KIRREL3: variants seen among roughly 807,000 people sequenced by gnomAD.
KIRREL3 encodes the protein kin of IRRE-like protein 3.
Under a neutral mutation model 89.7 loss-of-function variants are expected in KIRREL3, and 36 were observed. The observed-to-expected ratio is 0.40, with a 90% CI of 0.31 to 0.53. KIRREL3 has a LOEUF of 0.53. Among genes scored for constraint, KIRREL3 ranks in the 20% least tolerant of loss-of-function variants. KIRREL3 has a pLI of 0.49. For missense variants in KIRREL3, 864 were observed against 1,056.6 expected (o/e 0.82, Z 2.53); for synonymous variants, 445 against 441.4 (o/e 1.01, Z -0.10).
At chr11:126,975,904 CT>C (rs1565470869) in intron 1 of KIRREL3, among the ~76,000 whole-genome samples, 5 of 93,994 alleles carry the variant, frequency 5.3e-5, no homozygotes, top group East Asian at 5.5e-4. Context: ...CCCTCCCTCC[CT>C]TCCTCCCTCC....
rs1362324279 is a variant in KIRREL3, at chr11:126,686,327, C to T, written c.56-123415G>A. 6.6e-6 allele frequency among the ~76,000 whole-genome samples: 1 copy of T among 152,188 alleles called. No individual in the cohort carries two copies. Among genetic ancestry groups the T allele is most frequent in the Admixed American group, 6.5e-5 (1 of 15,280 alleles). On this transcript the variant is annotated intron_variant, in intron 1 of 16. Coordinates refer to ENST00000525144, the MANE Select transcript of KIRREL3 (RefSeq NM_032531.4). The surrounding 1 kb of genome is among the most constrained non-coding windows in gnomAD (Gnocchi z 4.7). Reference sequence around the variant, plus strand: ...TAGCATTCTTTTGTTAGTCCACTCACATATTTTCACTCATTACTAAACATT... The same window carrying T: ...TAGCATTCTTTTGTTAGTCCACTCATATATTTTCACTCATTACTAAACATT...
At chr11:126,543,427 C>T (rs76653728) in intron 2 of KIRREL3, among the ~76,000 whole-genome samples, 2,707 of 152,244 alleles carry the variant, frequency 0.018, 59 homozygotes, top group African/African-American at 0.051. Flanking sequence ...TCCCATTTTA[C>T]GGACAAGGAA....
At chr11:126,511,939 C>A (rs1489052532) in intron 4 of KIRREL3, among the ~76,000 whole-genome samples, 2 of 152,178 alleles carry the variant, frequency 1.3e-5, no homozygotes, top group African/African-American at 4.8e-5. Flanking sequence ...CCCTGGGCTT[C>A]CCCCAGGGCG....
intron 1 of KIRREL3, among the ~76,000 whole-genome samples, chr11:126,821,355 A>ATATAT (rs1440926983): frequency 7.8e-5 from 11 of 140,434 alleles, no homozygotes; most frequent in East Asian, 2.1e-4. Flanking sequence ...ATATATATGT[A>ATATAT]ACTTCCAACC....
rs1946052 is a variant in KIRREL3 at position 126,778,245 on chromosome 11, C to G, written c.56-215333G>C. Among the ~76,000 whole-genome samples, 89,914 of 152,000 alleles carry G rather than the reference C, an allele frequency of 0.59. 26,737 individuals are homozygous for G. Among genetic ancestry groups the G allele is most frequent in the East Asian group, 0.82 (4,232 of 5,184 alleles). The stretch of plus-strand genomic sequence containing the variant: ...ATTAAAATGGGATCATATTATACAC[C>G]TTGTTCTGTATCTTGCTTCTTCACT... On this transcript the variant is annotated intron_variant, in intron 1 of 16. Coordinates refer to ENST00000525144, the MANE Select transcript of KIRREL3 (RefSeq NM_032531.4). The surrounding 1 kb of genome is among the most constrained non-coding windows in gnomAD (Gnocchi z 4.5).
chr11:126,854,745 C>T (rs750996033), intron 1 of KIRREL3, among the ~76,000 whole-genome samples: 7 of 152,090 alleles, frequency 4.6e-5, no homozygotes, highest in East Asian at 1.9e-4. Context: ...ACCTGGAAGT[C>T]GAATTTCTGG....
chr11:126,972,339 C>T (rs1949449112), intron 1 of KIRREL3, among the ~76,000 whole-genome samples: 1 of 152,116 alleles, frequency 6.6e-6, no homozygotes, highest in Admixed American at 6.5e-5. Context: ...CTCTATGAGT[C>T]TTTGTGGAAA....
Position 126,526,498 on chromosome 11 carries a change from A to C in KIRREL3, c.283+40T>G. ...AGGTGGATGGGTGAGTAAGGAAGTG[A>C]TGGCCCCAGGCCCACCCCAGGAGGT... On this transcript the variant is annotated intron_variant, in intron 3 of 16. Coordinates refer to ENST00000525144, the MANE Select transcript of KIRREL3 (RefSeq NM_032531.4). This position sits in a 1 kb window ranked among gnomAD's most constrained non-coding sequence, Gnocchi z 5.7. 1 of 1,584,586 alleles carries C rather than the reference A, an allele frequency of 6.3e-7. No individual in the cohort carries two copies. Among genetic ancestry groups the C allele is most frequent in the Non-Finnish European group, 8.6e-7 (1 of 1,158,774 alleles).
At chr11:126,660,290 T>C (rs1945336205) in intron 1 of KIRREL3, among the ~76,000 whole-genome samples, 1 of 152,174 alleles carries the variant, frequency 6.6e-6, no homozygotes, top group South Asian at 2.1e-4. Context: ...GTTGGGATGC[T>C]TACTTTCACT....
Position 126,724,427 on chromosome 11 carries a change from G to C in KIRREL3, c.56-161515C>G, listed in dbSNP as rs1445304269. Among the ~76,000 whole-genome samples the C allele has an allele frequency of 6.6e-6, 1 of 152,190 alleles. No homozygotes were observed. Among genetic ancestry groups the C allele is most frequent in the African/African-American group, 2.4e-5 (1 of 41,438 alleles). The stretch of plus-strand genomic sequence containing the variant: ...ATCTCTTATGGACAAGATGCAGAGT[G>C]AGTGAGCCAGCAGATGGACACCCTG... On this transcript the variant is annotated intron_variant, in intron 1 of 16. Transcript: ENST00000525144. This position sits in a 1 kb window ranked among gnomAD's most constrained non-coding sequence, Gnocchi z 4.3.
chr11:126,607,578 T>A lies in KIRREL3; in HGVS notation c.56-44666A>T, dbSNP rs548625076. Among the ~76,000 whole-genome samples, 21 of 152,294 alleles carry A rather than the reference T, an allele frequency of 1.4e-4. No homozygotes were observed. The highest frequency in any genetic ancestry group is 4.8e-4 in the African/African-American group (20 of 41,548). On this transcript the variant is annotated intron_variant, in intron 1 of 16. Transcript: ENST00000525144. This position sits in a 1 kb window ranked among gnomAD's most constrained non-coding sequence, Gnocchi z 6.6. ...GTTCAAAGACCATTATTGCCATTATTAATTGATCGCTGTTATTATCATGTA... is the reference window on the plus strand; with the variant it reads ...GTTCAAAGACCATTATTGCCATTATAAATTGATCGCTGTTATTATCATGTA...
At chr11:126,466,682 G>T (rs377556747) in intron 5 of KIRREL3, among the ~76,000 whole-genome samples, 1 of 152,226 alleles carries the variant, frequency 6.6e-6, no homozygotes, top group East Asian at 1.9e-4. Flanking sequence ...GGACTTTGCA[G>T]CCTTGAAGGT....
At chr11:126,784,574 T>C (rs1212267632) in intron 1 of KIRREL3, among the ~76,000 whole-genome samples, 2 of 151,274 alleles carry the variant, frequency 1.3e-5, no homozygotes, top group Non-Finnish European at 2.9e-5. Flanking sequence ...CAGTCAGACT[T>C]ACCCTCTATC....
At chr11:126,820,839 C>T (rs1157547117) in intron 1 of KIRREL3, among the ~76,000 whole-genome samples, 1 of 152,126 alleles carries the variant, frequency 6.6e-6, no homozygotes, top group East Asian at 1.9e-4. Context: ...TACTTATCCC[C>T]CTTTTCCAGG....
intron 1 of KIRREL3, among the ~76,000 whole-genome samples, chr11:126,717,917 G>A (rs3909725): frequency 0.8 from 121,525 of 152,106 alleles, 49,122 homozygotes; most frequent in East Asian, 0.99. Context: ...CATCATAAAC[G>A]GCACAAATGG....
intron 4 of KIRREL3, among the ~76,000 whole-genome samples, chr11:126,487,991 T>TC (rs1054651314): frequency 1.3e-5 from 2 of 152,250 alleles, no homozygotes; most frequent in African/African-American, 4.8e-5. Context: ...AATGGCCTCT[T>TC]CCCCCAGGGT....
chr11:126,849,833 C>T (rs1025745753), intron 1 of KIRREL3, among the ~76,000 whole-genome samples: 27 of 152,126 alleles, frequency 1.8e-4, no homozygotes, highest in Admixed American at 1.3e-3. Context: ...CCTGGACGCA[C>T]GTTCACCATG....
At position 126,641,056 on chromosome 11, in the gene KIRREL3, C is replaced by T. The variant is rs1481919616; in HGVS notation, c.56-78144G>A. On this transcript the variant is annotated intron_variant, in intron 1 of 16. Coordinates refer to ENST00000525144, the MANE Select transcript of KIRREL3 (RefSeq NM_032531.4). The surrounding 1 kb of genome is among the most constrained non-coding windows in gnomAD (Gnocchi z 5.0). ...TGCTCCGAAAAGAACTCCTGGTCTT[C>T]TCCCACAGGCCTGCCCCTCTCACGG... Among the ~76,000 whole-genome samples the T allele has an allele frequency of 6.6e-6, 1 of 152,170 alleles. No individual in the cohort carries two copies. The highest frequency in any genetic ancestry group is 1.5e-5 in the Non-Finnish European group (1 of 68,036).
chr11:126,779,098 C>T (rs1592116142), intron 1 of KIRREL3, among the ~76,000 whole-genome samples: 1 of 152,234 alleles, frequency 6.6e-6, no homozygotes, highest in South Asian at 2.1e-4. Flanking sequence ...ATAAGCCAAT[C>T]TACATACCTG....
Sources: allele counts gnomAD v4.1 joint callset (sites outside exome capture counted in the v4.1 genomes callset), GRCh38; gene constraint gnomAD v4.1.1; non-coding constraint Gnocchi (gnomAD v3.1); transcripts MANE v1.5; gene names NCBI Gene and HGNC (gene_info 2026-07-23, HGNC 2026-07-21).